DOCK3: variants seen among roughly 807,000 people sequenced by gnomAD.
DOCK3 encodes the protein dedicator of cytokinesis protein 3.
In DOCK3, 60 loss-of-function variants were observed where a neutral mutation model predicts 265.6. The observed-to-expected ratio is 0.23, with a 90% CI of 0.18 to 0.28. The LOEUF (loss-of-function observed/expected upper bound fraction) is 0.28. Ranked by LOEUF, DOCK3 falls within the 10% of genes least tolerant of loss-of-function variation. The pLI is 1.00. For synonymous variants in DOCK3, 881 were observed against 938.0 expected (o/e 0.94, Z 1.11); for missense variants, 1,981 against 2,594.3 (o/e 0.76, Z 5.14).
intron 9 of DOCK3, among the ~76,000 whole-genome samples, chr3:51,143,418 C>T (rs1173300508): frequency 1.3e-5 from 2 of 150,972 alleles, no homozygotes; most frequent in Non-Finnish European, 3.0e-5. Context: ...TACAGGCACC[C>T]GCCACTATGC....
At chr3:51,310,148 G>T in intron 27 of DOCK3, 84 bp from the exon 28 acceptor site, 3 of 1,041,114 alleles carry the variant, frequency 2.9e-6, no homozygotes, top group South Asian at 1.4e-5. Context: ...CCATTGTCAT[G>T]ATCTAGTGGC....
chr3:50,697,714 T>C (rs1413764307), intron 1 of DOCK3, among the ~76,000 whole-genome samples: 1 of 152,208 alleles, frequency 6.6e-6, no homozygotes, highest in African/African-American at 2.4e-5. Flanking sequence ...TATGGACTCA[T>C]GGGTTTTTGT....
intron 10 of DOCK3, among the ~76,000 whole-genome samples, chr3:51,157,947 ATT>A (rs11289965): frequency 8.6e-5 from 13 of 150,448 alleles, no homozygotes; most frequent in Admixed American, 1.3e-4. Flanking sequence ...CTGGGACTAC[ATT>A]TTTTTTTTTA....
intron 7 of DOCK3, 104 bp from the exon 8 acceptor site, chr3:51,089,139 C>A: frequency 8.8e-7 from 1 of 1,140,842 alleles, no homozygotes; most frequent in Non-Finnish European, 1.3e-6. Flanking sequence ...TAAATGAGAT[C>A]ATGAATATAA....
chr3:50,678,528 C>T (rs1219825742), intron 1 of DOCK3, among the ~76,000 whole-genome samples: 47 of 152,218 alleles, frequency 3.1e-4, no homozygotes, highest in Admixed American at 3.1e-3. Context: ...TTTGTAATTA[C>T]ACTCCTTGAA....
intron 32 of DOCK3, among the ~76,000 whole-genome samples, chr3:51,322,930 T>C (rs1262958693): frequency 3.3e-5 from 3 of 89,860 alleles, no homozygotes; most frequent in Admixed American, 1.3e-4. Flanking sequence ...AAGACACACA[T>C]AGGCTCAAAA....
intron 1 of DOCK3, among the ~76,000 whole-genome samples, chr3:50,701,714 C>G (rs1277250494): frequency 6.6e-6 from 1 of 152,108 alleles, no homozygotes; most frequent in Non-Finnish European, 1.5e-5. Flanking sequence ...TGTTTACCTC[C>G]TTAATCCATT....
chr3:50,901,081 C>T, intron 4 of DOCK3: 1 of 281,176 alleles, frequency 3.6e-6, no homozygotes, highest in Admixed American at 5.1e-5. Flanking sequence ...CTGCTGCCGC[C>T]CCTTCCCCTA....
chr3:50,802,505 T>C (rs947305034), intron 2 of DOCK3, among the ~76,000 whole-genome samples: 1 of 152,208 alleles, frequency 6.6e-6, no homozygotes, highest in Admixed American at 6.5e-5. Context: ...TTTTATTTAT[T>C]CTTCATTTTT....
intron 5 of DOCK3, among the ~76,000 whole-genome samples, chr3:51,028,763 G>T (rs1010886104): frequency 6.6e-6 from 1 of 152,028 alleles, no homozygotes; most frequent in African/African-American, 2.4e-5. Context: ...TTAAATTCCA[G>T]TTCTGTTTGG....
At chr3:50,679,500 AAAACAAACAAAC>A (rs141544909) in intron 1 of DOCK3, among the ~76,000 whole-genome samples, 1 of 152,116 alleles carries the variant, frequency 6.6e-6, no homozygotes, top group Non-Finnish European at 1.5e-5. Context: ...AAAGCACTTA[AAAACAAACAAAC>A]AAACAAACAA....
intron 23 of DOCK3, among the ~76,000 whole-genome samples, chr3:51,266,016 C>CAATATTGGTGT (rs2108817780): frequency 6.7e-6 from 1 of 150,226 alleles, no homozygotes; most frequent in South Asian, 2.1e-4. Context: ...ATACAAAAAG[C>CAATATTGGTGT]ATTCCTATAC....
chr3:50,867,785 A>G (rs1041503026), intron 3 of DOCK3, among the ~76,000 whole-genome samples: 1 of 152,134 alleles, frequency 6.6e-6, no homozygotes, highest in African/African-American at 2.4e-5. Context: ...TTACTTGATC[A>G]TGATGAATGA....
At position 50,908,052 on chromosome 3, in the gene DOCK3, C is replaced by T. The variant is rs554218955; in HGVS notation, c.218+17971C>T. ...TCTATTGGTGGTTAGTATTTCTGTG[C>T]GATCAGCAGTGATATCCCTGTTATC... is the stretch of plus-strand genomic sequence containing the variant. On this transcript the variant is annotated intron_variant, in intron 4 of 52. Transcript: ENST00000266037. Among the ~76,000 whole-genome samples the T allele has an allele frequency of 1.6e-4, 24 of 151,946 alleles. No individual in the cohort carries two copies. The East Asian group carries it at 2.1e-3, about 13-fold the overall frequency.
At chr3:50,849,506 G>A (rs961824519) in intron 3 of DOCK3, among the ~76,000 whole-genome samples, 1 of 151,822 alleles carries the variant, frequency 6.6e-6, no homozygotes, top group Non-Finnish European at 1.5e-5. Flanking sequence ...CCAGGTTGGA[G>A]TGTGGTGGCA....
At chr3:51,148,042 G>C (rs1412981770) in intron 10 of DOCK3, among the ~76,000 whole-genome samples, 1 of 152,122 alleles carries the variant, frequency 6.6e-6, no homozygotes, top group African/African-American at 2.4e-5. Context: ...TCTAACTGGC[G>C]TGAGATGGTA....
intron 4 of DOCK3, among the ~76,000 whole-genome samples, chr3:50,914,033 C>T (rs924792463): frequency 7.1e-6 from 1 of 140,014 alleles, no homozygotes; most frequent in African/African-American, 2.5e-5. Context: ...TTGCTTTGTC[C>T]TCCCTGTATT....
At chr3:51,200,077 A>T (rs1217947069) in intron 12 of DOCK3, among the ~76,000 whole-genome samples, 1 of 152,074 alleles carries the variant, frequency 6.6e-6, no homozygotes, top group Non-Finnish European at 1.5e-5. Flanking sequence ...AACCACAAAG[A>T]TGGGGAAAAA....
chr3:51,251,238 T>C (rs560928163), intron 22 of DOCK3, among the ~76,000 whole-genome samples: 136 of 152,368 alleles, frequency 8.9e-4, no homozygotes, highest in African/African-American at 3.2e-3. Context: ...ATGGTGTATA[T>C]GTGCCACATT....
Sources: allele counts gnomAD v4.1 joint callset (sites outside exome capture counted in the v4.1 genomes callset), GRCh38; gene constraint gnomAD v4.1.1; transcripts MANE v1.5; gene names NCBI Gene and HGNC (gene_info 2026-07-23, HGNC 2026-07-21).